The following LRRC4C variants were observed in gnomAD, a reference collection of about 807,000 sequenced individuals.
LRRC4C encodes the protein leucine-rich repeat-containing protein 4C.
Under a neutral mutation model 33.6 loss-of-function variants are expected in LRRC4C, and 5 were observed. The ratio of observed to expected loss-of-function variants is 0.15; its 90% CI spans 0.08 to 0.31. LRRC4C has a LOEUF of 0.31. LRRC4C is among the 10% of genes least tolerant of loss of function. LRRC4C has a pLI of 1.00. For missense variants in LRRC4C, 560 were observed against 796.7 expected (o/e 0.70, Z 3.58); for synonymous variants, 329 against 302.0 (o/e 1.09, Z -0.93).
intron 2 of LRRC4C, among the ~76,000 whole-genome samples, chr11:40,670,413 G>A (rs11036007): frequency 0.062 from 9,488 of 152,180 alleles, 998 homozygotes; most frequent in African/African-American, 0.22. Context: ...CTCCAGTGGG[G>A]AGACTGTTTC....
At chr11:40,371,794 G>A (rs1948461132) in intron 3 of LRRC4C, among the ~76,000 whole-genome samples, 1 of 152,270 alleles carries the variant, frequency 6.6e-6, no homozygotes, top group Admixed American at 6.5e-5. Flanking sequence ...AGGCACAAAT[G>A]GGTCAGAACA....
chr11:40,121,557 C>A (rs1488449266), intron 6 of LRRC4C, among the ~76,000 whole-genome samples: 1 of 152,152 alleles, frequency 6.6e-6, no homozygotes, highest in African/African-American at 2.4e-5. Flanking sequence ...TGTCATCTGA[C>A]AGCATTTATT....
chr11:40,908,819 G>C (rs1956539969), intron 2 of LRRC4C, among the ~76,000 whole-genome samples: 1 of 152,096 alleles, frequency 6.6e-6, no homozygotes, highest in Non-Finnish European at 1.5e-5. Flanking sequence ...AGATTTACAG[G>C]TGGTAAACTC....
At chr11:41,392,972 G>A (rs528741977) in intron 1 of LRRC4C, among the ~76,000 whole-genome samples, 2 of 151,874 alleles carry the variant, frequency 1.3e-5, no homozygotes, top group Admixed American at 1.3e-4. Flanking sequence ...CTGGCATAAA[G>A]CATTATGACA....
At chr11:40,715,245 G>A (rs1946648685) in intron 2 of LRRC4C, among the ~76,000 whole-genome samples, 1 of 152,186 alleles carries the variant, frequency 6.6e-6, no homozygotes, top group Admixed American at 6.5e-5. Context: ...GAGCAAAGAT[G>A]TTAAATAGGT....
chr11:40,486,290 A>G (rs1225923572), intron 3 of LRRC4C, among the ~76,000 whole-genome samples: 2 of 152,032 alleles, frequency 1.3e-5, no homozygotes, highest in Non-Finnish European at 2.9e-5. Flanking sequence ...AAAGACAAAA[A>G]TCAAGCCTTT....
chr11:40,962,153 C>T (rs961886700), intron 1 of LRRC4C, among the ~76,000 whole-genome samples: 1 of 151,274 alleles, frequency 6.6e-6, no homozygotes, highest in Admixed American at 6.6e-5. Flanking sequence ...AACAAGGGCA[C>T]CCGCATCAGA....
intron 1 of LRRC4C, among the ~76,000 whole-genome samples, chr11:41,294,195 A>C (rs960284102): frequency 2.0e-5 from 3 of 152,184 alleles, no homozygotes; most frequent in African/African-American, 7.2e-5. Flanking sequence ...CCCCAAAGAG[A>C]ATGTACTATT....
At chr11:41,080,782 T>G (rs2135482315) in intron 1 of LRRC4C, among the ~76,000 whole-genome samples, 1 of 152,362 alleles carries the variant, frequency 6.6e-6, no homozygotes, top group South Asian at 2.1e-4. Flanking sequence ...TTGGAGAAAT[T>G]ACTTTCCATT....
intron 1 of LRRC4C, among the ~76,000 whole-genome samples, chr11:41,004,282 T>C (rs765010429): frequency 3.9e-5 from 6 of 152,174 alleles, no homozygotes; most frequent in African/African-American, 4.8e-5. Flanking sequence ...GGCCCCTGTA[T>C]CTGTTGCTAG....
At chr11:40,938,834 G>A in intron 1 of LRRC4C, among the ~76,000 whole-genome samples, 1 of 152,054 alleles carries the variant, frequency 6.6e-6, no homozygotes, top group Admixed American at 6.6e-5. Context: ...TCTCAAACTA[G>A]AAAATGCTAC....
rs558879496 is a variant in LRRC4C at position 40,584,951 on chromosome 11, GAA to G, written c.-270+63189_-270+63190del. The stretch of plus-strand genomic sequence containing the variant: ...CACTTCAAAAACCAATTAAAAAAAA[GAA>G]AAAAAAAAAAAAAGAAAGTTTAACC... On this transcript the variant is annotated intron_variant, in intron 3 of 6. Transcript: ENST00000528697. Among the ~76,000 whole-genome samples, 920 of 103,546 alleles carry G rather than the reference GAA, an allele frequency of 8.9e-3. 15 individuals carry two copies. Among genetic ancestry groups the G allele is most frequent in the African/African-American group, 0.03 (884 of 29,266 alleles). The allele number at this position is 103,546 out of a possible 152,430, so 67.9% of individuals were successfully genotyped here.
intron 2 of LRRC4C, among the ~76,000 whole-genome samples, chr11:40,786,912 A>T (rs959016562): frequency 1.6e-4 from 25 of 152,036 alleles, no homozygotes; most frequent in African/African-American, 5.5e-4. Flanking sequence ...AAACTGGCGC[A>T]CTCACTATGT....
chr11:41,255,116 A>T (rs1041020994), intron 1 of LRRC4C, among the ~76,000 whole-genome samples: 6 of 152,176 alleles, frequency 3.9e-5, no homozygotes, highest in African/African-American at 1.4e-4. Flanking sequence ...ATTCCCTAAA[A>T]GCTCAACAAG....
chr11:41,230,708 T>A (rs899056986), intron 1 of LRRC4C, among the ~76,000 whole-genome samples: 1 of 152,020 alleles, frequency 6.6e-6, no homozygotes. Flanking sequence ...AAGGACTTCA[T>A]GTCTAAAATA....
At chr11:41,018,805 G>T (rs887291127) in intron 1 of LRRC4C, among the ~76,000 whole-genome samples, 1 of 152,082 alleles carries the variant, frequency 6.6e-6, no homozygotes, top group African/African-American at 2.4e-5. Flanking sequence ...GGAGCTTGTT[G>T]CCACCCTAAG....
At chr11:40,940,416 G>T (rs1181614585) in intron 1 of LRRC4C, among the ~76,000 whole-genome samples, 1 of 152,034 alleles carries the variant, frequency 6.6e-6, no homozygotes, top group Non-Finnish European at 1.5e-5. Flanking sequence ...TGCCCACATT[G>T]CTGAGCCACT....
chr11:41,385,140 G>C (rs1011404988), intron 1 of LRRC4C, among the ~76,000 whole-genome samples: 3 of 150,992 alleles, frequency 2.0e-5, no homozygotes, highest in Admixed American at 6.6e-5. Context: ...ACTACAAAGA[G>C]AAATAGTTAA....
intron 3 of LRRC4C, among the ~76,000 whole-genome samples, chr11:40,452,055 C>A (rs190891906): frequency 6.6e-6 from 1 of 152,024 alleles, no homozygotes; most frequent in Non-Finnish European, 1.5e-5. Flanking sequence ...CCAAGGAAAG[C>A]GGTGACAGAC....
Sources: gnomAD v4.1 joint callset for allele counts (sites outside exome capture counted in the v4.1 genomes callset) on GRCh38, gnomAD v4.1.1 for gene constraint, MANE v1.5 for transcripts, NCBI Gene and HGNC (gene_info 2026-07-23, HGNC 2026-07-21) for gene names.